KLF7: variants seen among roughly 807,000 people sequenced by gnomAD.
KLF7 encodes the protein KLF transcription factor 7, also known as Krueppel-like factor 7.
KLF7 carries 2 observed loss-of-function variants against 27.3 expected under a neutral mutation model. That is an observed-to-expected ratio of 0.07 (90% CI 0.03 to 0.23). The LOEUF is 0.23. KLF7 is among the 10% of genes least tolerant of loss of function. The pLI is 1.00. For synonymous variants in KLF7, 165 were observed against 162.4 expected, an observed-to-expected ratio of 1.02 and a Z score of -0.12; for missense variants, 221 against 394.1, an observed-to-expected ratio of 0.56 and a Z score of 3.72.
chr2:207,110,917 G>T (rs902663495), intron 2 of KLF7, among the ~76,000 whole-genome samples: 1 of 152,154 alleles, frequency 6.6e-6, no homozygotes, highest in Non-Finnish European at 1.5e-5. Flanking sequence ...TTAGGCCAGG[G>T]TTTCTCAACC....
intron 1 of KLF7, 61 bp downstream of exon 1, chr2:207,165,406 A>G: frequency 6.2e-7 from 1 of 1,611,774 alleles, no homozygotes; most frequent in South Asian, 1.1e-5. Context: ...GCCCACACCA[A>G]CGCAGCCCCT....
intron 1 of KLF7, among the ~76,000 whole-genome samples, chr2:207,148,158 A>C (rs1156419979): frequency 6.6e-6 from 1 of 152,166 alleles, no homozygotes; most frequent in East Asian, 1.9e-4. Context: ...TGGTGGCAAA[A>C]ATCCAGCTGC....
intron 1 of KLF7, chr2:207,134,264 T>C (rs2077721721): frequency 1.5e-6 from 1 of 661,998 alleles, no homozygotes. Context: ...CCTACCCCCA[T>C]AAAAAACACA....
chr2:207,080,526 T>A lies in KLF7; in HGVS notation c.*687A>T. The A allele has an allele frequency of 3.8e-6, 1 of 265,004 alleles. No homozygotes were observed. 16.4% of individuals were successfully genotyped at this position (265,004 alleles called of 1,614,324 possible). A position where few individuals can be genotyped will look rare whatever the true frequency, so the allele number is the denominator to read the frequency against. On this transcript the variant is annotated 3_prime_UTR_variant, in exon 4 of 4. Coordinates refer to ENST00000309446, the MANE Select transcript of KLF7 (RefSeq NM_003709.4). ...AGGCCAGAAAGGTGTAAGGTGTTAT[T>A]CCAGTCTGCCGCCGCTAAGGCCGTT...
intron 1 of KLF7, among the ~76,000 whole-genome samples, chr2:207,156,069 C>A (rs1417787862): frequency 6.7e-6 from 1 of 148,816 alleles, no homozygotes; most frequent in Non-Finnish European, 1.5e-5. Context: ...GTTGAGCTTT[C>A]CAAAAGGCAT....
intron 2 of KLF7, among the ~76,000 whole-genome samples, chr2:207,101,142 T>G (rs2076755940): frequency 6.6e-6 from 1 of 152,242 alleles, no homozygotes; most frequent in Non-Finnish European, 1.5e-5. Flanking sequence ...ATGCTTAGAC[T>G]TCTGGTCTAA....
chr2:207,117,928 C>G (rs1029777705), intron 2 of KLF7, among the ~76,000 whole-genome samples: 4 of 152,172 alleles, frequency 2.6e-5, no homozygotes, highest in Non-Finnish European at 4.4e-5. Flanking sequence ...AATGGACCAC[C>G]CTGTTCTCCT....
chr2:207,165,402 A>G, intron 1 of KLF7, 65 bp downstream of exon 1: 1 of 1,610,796 alleles, frequency 6.2e-7, no homozygotes, highest in Non-Finnish European at 8.5e-7. Context: ...CAGAGCCCAC[A>G]CCAACGCAGC....
chr2:207,118,183 C>T (rs559371003), intron 2 of KLF7, among the ~76,000 whole-genome samples: 4 of 152,060 alleles, frequency 2.6e-5, no homozygotes, highest in African/African-American at 9.7e-5. Context: ...TAATACTGAC[C>T]TTTCTTATTT....
intron 3 of KLF7, among the ~76,000 whole-genome samples, chr2:207,085,164 G>GAAAAAAAAA (rs1015691241): frequency 8.7e-5 from 2 of 22,994 alleles, no homozygotes; most frequent in Non-Finnish European, 1.5e-4. Context: ...TGTCTCAAAT[G>GAAAAAAAAA]AAAAAAAAAA....
intron 2 of KLF7, among the ~76,000 whole-genome samples, chr2:207,105,802 G>A (rs2076870467): frequency 6.6e-6 from 1 of 152,144 alleles, no homozygotes; most frequent in South Asian, 2.1e-4. Flanking sequence ...TGGCCAGACT[G>A]TGAAAGGACT....
At chr2:207,093,160 G>T (rs956458510) in intron 2 of KLF7, among the ~76,000 whole-genome samples, 11 of 152,166 alleles carry the variant, frequency 7.2e-5, no homozygotes, top group African/African-American at 2.7e-4. Context: ...TGGATTTTAT[G>T]CATTTAAAAA....
At chr2:207,120,935 G>A (rs2077323063) in intron 2 of KLF7, 2 of 152,074 alleles carry the variant, frequency 1.3e-5, no homozygotes, top group African/African-American at 4.8e-5. Flanking sequence ...AAATACTTCT[G>A]ATTCTCATCC....
intron 1 of KLF7, among the ~76,000 whole-genome samples, chr2:207,161,111 T>C (rs1038099415): frequency 2.0e-5 from 3 of 148,682 alleles, no homozygotes; most frequent in African/African-American, 7.5e-5. Flanking sequence ...TTGAAGCCCC[T>C]AAATCTACAC....
At chr2:207,169,801 T>A (rs1015006582), upstream of KLF7, among the ~76,000 whole-genome samples, 1 of 152,162 alleles carries the variant, frequency 6.6e-6, no homozygotes, top group African/African-American at 2.4e-5. Context: ...TGTAATTGTT[T>A]TAAGGCACCA....
Position 207,081,172 on chromosome 2 carries a change from G to C in KLF7, c.*41C>G. 6.3e-7 allele frequency: 1 copy of C among 1,589,578 alleles called. No homozygotes were observed. Among genetic ancestry groups the C allele is most frequent in the East Asian group, 2.2e-5 (1 of 44,734 alleles). Reference sequence around the variant, plus strand: ...CCCCTGCCTCATGGCGTTTCCTTTAGACACTAGCCGATGCCATGGCAACTC... The same window carrying C: ...CCCCTGCCTCATGGCGTTTCCTTTACACACTAGCCGATGCCATGGCAACTC... On this transcript the variant is annotated 3_prime_UTR_variant, in exon 4 of 4. Transcript: ENST00000309446.
intron 2 of KLF7, chr2:207,121,895 C>G (rs2077350515): frequency 6.6e-6 from 1 of 152,222 alleles, no homozygotes; most frequent in Admixed American, 6.5e-5. Context: ...GCTGTCCAGC[C>G]TCCATGCTAA....
At chr2:207,102,125 T>C (rs965671151) in intron 2 of KLF7, among the ~76,000 whole-genome samples, 2 of 121,226 alleles carry the variant, frequency 1.6e-5, no homozygotes, top group African/African-American at 6.0e-5. Context: ...TACATTCACA[T>C]TCACACACAC....
At chr2:207,083,045 A>G (rs2076311073) in intron 3 of KLF7, among the ~76,000 whole-genome samples, 1 of 152,222 alleles carries the variant, frequency 6.6e-6, no homozygotes, top group Non-Finnish European at 1.5e-5. Context: ...AACAATTCCA[A>G]TTATACCCAC....
Sources: gnomAD v4.1 joint callset for allele counts (sites outside exome capture counted in the v4.1 genomes callset) on GRCh38, gnomAD v4.1.1 for gene constraint, MANE v1.5 for transcripts, NCBI Gene and HGNC (gene_info 2026-07-23, HGNC 2026-07-21) for gene names.